The following SPECC1L variants were observed in gnomAD, a reference collection of about 807,000 sequenced individuals.
SPECC1L encodes the protein sperm antigen with calponin homology and coiled-coil domains 1 like.
SPECC1L carries 40 observed loss-of-function variants against 116.8 expected under a neutral mutation model. The ratio of observed to expected loss-of-function variants is 0.34; its 90% CI spans 0.27 to 0.45. The LOEUF (loss-of-function observed/expected upper bound fraction) is 0.45, where lower values mean the gene tolerates loss of function less well. Among genes scored for constraint, SPECC1L ranks in the 20% least tolerant of loss-of-function variants. The probability of loss-of-function intolerance (pLI) is 1.00; values close to 1 mark genes in which losing one functional copy is unlikely to be tolerated. For synonymous variants in SPECC1L, 504 were observed against 500.6 expected (o/e 1.01, Z -0.09); for missense variants, 1,110 against 1,373.6 (o/e 0.81, Z 3.03).
chr22:24,318,276 C>T (rs567351099), intron 4 of SPECC1L, among the ~76,000 whole-genome samples: 9 of 152,360 alleles, frequency 5.9e-5, no homozygotes, highest in Non-Finnish European at 8.8e-5. Context: ...CCCGGCACCT[C>T]GGGAGGCCGA....
chr22:24,384,770 A>G (rs1228455188), intron 14 of SPECC1L, among the ~76,000 whole-genome samples: 1 of 152,170 alleles, frequency 6.6e-6, no homozygotes, highest in Non-Finnish European at 1.5e-5. Flanking sequence ...GACTTTGAAG[A>G]CTTAATATAG....
rs578237345 is a variant in SPECC1L, at chr22:24,388,320, A to C, written c.3087+19000A>C. On this transcript the variant is annotated intron_variant, in intron 14 of 16. Coordinates refer to ENST00000314328, the MANE Select transcript of SPECC1L (RefSeq NM_015330.6). ...ATTGTTCAATTCCCACCTATGAGTG[A>C]GAACATGCAGTGTTTGTTTTTTTTT... Among the ~76,000 whole-genome samples, 579 of 143,984 alleles carry C rather than the reference A, an allele frequency of 4.0e-3. 6 individuals are homozygous for C. Among genetic ancestry groups the C allele is most frequent in the African/African-American group, 0.014 (540 of 38,496 alleles). 94.5% of individuals were successfully genotyped at this position (143,984 alleles called of 152,430 possible).
intron 12 of SPECC1L, among the ~76,000 whole-genome samples, chr22:24,363,943 G>A (rs1011009396): frequency 6.6e-6 from 1 of 150,898 alleles, no homozygotes; most frequent in African/African-American, 2.4e-5. Flanking sequence ...GGGTGGGAGT[G>A]GGGGCAGCAG....
At chr22:24,357,163 A>C (rs1005422366) in intron 11 of SPECC1L, among the ~76,000 whole-genome samples, 3 of 152,164 alleles carry the variant, frequency 2.0e-5, no homozygotes, top group African/African-American at 7.2e-5. Context: ...ATCAAGTAGG[A>C]AATCCTAGCC....
chr22:24,321,474 G>T lies in SPECC1L; in HGVS notation c.494G>T (p.Arg165Leu). 1 of 1,614,250 alleles carries T rather than the reference G, an allele frequency of 6.2e-7. No homozygotes were observed. The highest frequency in any genetic ancestry group is 8.5e-7 in the Non-Finnish European group (1 of 1,180,048). The change falls in exon 5 of 17, where the codon CGT (arginine) becomes CTT (leucine). Residue 165 changes from arginine to leucine, a missense_variant. This residue lies in a region of SPECC1L where 437 missense variants were observed against 482.6 expected (regional missense o/e 0.91). Transcript: ENST00000314328. Reference protein sequence around the residue: ...RSRTATECDVRMSKSKSDNQI... With the variant: ...RSRTATECDVLMSKSKSDNQI... Reference sequence around the variant, plus strand: ...CGAACTGCTACAGAATGTGACGTTCGTATGAGCAAGTCTAAGTCAGACAAT... The same window carrying T: ...CGAACTGCTACAGAATGTGACGTTCTTATGAGCAAGTCTAAGTCAGACAAT...
intron 1 of SPECC1L, among the ~76,000 whole-genome samples, chr22:24,275,783 ACCGTAG>A (rs1472621558): frequency 6.6e-6 from 1 of 152,174 alleles, no homozygotes; most frequent in Admixed American, 6.5e-5. Flanking sequence ...ATCACAGCTC[ACCGTAG>A]CCTTGAACTC....
chr22:24,407,798 A>C (rs557854296), intron 14 of SPECC1L, among the ~76,000 whole-genome samples: 1 of 152,276 alleles, frequency 6.6e-6, no homozygotes, highest in East Asian at 1.9e-4. Flanking sequence ...TGGGCCCTGC[A>C]AATTACGGAG....
intron 4 of SPECC1L, among the ~76,000 whole-genome samples, chr22:24,319,383 G>A (rs183162742): frequency 5.9e-5 from 9 of 152,200 alleles, no homozygotes; most frequent in Non-Finnish European, 1.2e-4. Flanking sequence ...TCACTATCAC[G>A]AGAACAGCGT....
At chr22:24,366,279 GC>G (rs1181944332) in intron 13 of SPECC1L, among the ~76,000 whole-genome samples, 4 of 151,818 alleles carry the variant, frequency 2.6e-5, no homozygotes, top group African/African-American at 9.7e-5. Context: ...TGCAGGCTCC[GC>G]CCCCTGGGGT....
In SPECC1L at chr22:24,363,320, A is replaced by T; in HGVS notation, c.2803A>T (p.Met935Leu). 1.2e-6 allele frequency: 2 copies of T among 1,614,086 alleles called. No individual in the cohort carries two copies. The highest frequency in any genetic ancestry group is 1.7e-6 in the Non-Finnish European group (2 of 1,180,032). ...RPASLPRVPA[M>L]ESAKTLSVSR... is the part of the protein sequence containing the mutation. ...TGCTTCCCTGCCAAGAGTGCCTGCGATGGAAAGTGCCAAGACCCTCTCAGG... is the reference window on the plus strand; with the variant it reads ...TGCTTCCCTGCCAAGAGTGCCTGCGTTGGAAAGTGCCAAGACCCTCTCAGG... Residue 935 changes from methionine to leucine, a missense_variant, in exon 12 of 17, where the codon ATG (methionine) becomes TTG (leucine). Met to Leu is a conservative substitution (Grantham distance 15). Coordinates refer to ENST00000314328, the MANE Select transcript of SPECC1L (RefSeq NM_015330.6).
intron 14 of SPECC1L, among the ~76,000 whole-genome samples, chr22:24,373,926 C>A (rs1427619798): frequency 7.9e-5 from 12 of 151,090 alleles, no homozygotes; most frequent in Non-Finnish European, 4.4e-5. Context: ...AACAAATATA[C>A]AAGAAAAAAA....
intron 11 of SPECC1L, among the ~76,000 whole-genome samples, chr22:24,359,147 C>A (rs1016012225): frequency 3.3e-5 from 5 of 151,906 alleles, no homozygotes; most frequent in Admixed American, 6.5e-5. Flanking sequence ...ACTATACTTT[C>A]TTCCTTACTC....
At chr22:24,374,316 T>G (rs542056589) in intron 14 of SPECC1L, among the ~76,000 whole-genome samples, 3,767 of 152,080 alleles carry the variant, frequency 0.025, 71 homozygotes, top group African/African-American at 0.051. Context: ...TAAAGACACA[T>G]GCACACGTAT....
chr22:24,351,988 CA>C (rs796082803), intron 11 of SPECC1L, among the ~76,000 whole-genome samples: 37 of 139,352 alleles, frequency 2.7e-4, no homozygotes, highest in Admixed American at 2.9e-4. Flanking sequence ...GACTCTGTCT[CA>C]AAAAAAAAAA....
intron 14 of SPECC1L, among the ~76,000 whole-genome samples, chr22:24,408,237 C>T (rs1569450762): frequency 6.6e-6 from 1 of 152,222 alleles, no homozygotes; most frequent in Non-Finnish European, 1.5e-5. Context: ...CATGCGTGTG[C>T]GTGTGTTCAG....
At chr22:24,376,734 G>A (rs912342256) in intron 14 of SPECC1L, among the ~76,000 whole-genome samples, 7 of 151,998 alleles carry the variant, frequency 4.6e-5, no homozygotes, top group South Asian at 2.1e-4. Context: ...TTTGTTGAAC[G>A]GCAGGAACGT....
At position 24,330,350 on chromosome 22, in the gene SPECC1L, G is replaced by C. The variant is rs900483886; in HGVS notation, c.2315G>C (p.Gly772Ala). The stretch of plus-strand genomic sequence containing the variant: ...AAATCTGAAGCCCAAGAGGAGATTG[G>C]TGATCTAAAGCGCCGGTTACATGAG... ...DIKSEAQEEIGDLKRRLHEAQ... is the reference protein window; with the variant it reads ...DIKSEAQEEIADLKRRLHEAQ... The change falls in exon 8 of 17, where the codon GGT becomes GCT. Residue 772 changes from glycine to alanine, a missense_variant. Gly to Ala is a moderately conservative substitution (Grantham distance 60, BLOSUM62 0). This residue lies in a region of SPECC1L where 575 missense variants were observed against 682.4 expected (regional missense o/e 0.84). Transcript: ENST00000314328. 1 of 1,614,138 alleles carries C rather than the reference G, an allele frequency of 6.2e-7. No individual in the cohort carries two copies. Among genetic ancestry groups the C allele is most frequent in the Non-Finnish European group, 8.5e-7 (1 of 1,180,016 alleles).
Position 24,328,848 on chromosome 22 carries a change from A to G in SPECC1L, c.2149A>G (p.Thr717Ala), listed in dbSNP as rs6004132. The part of the protein sequence containing the change: ...DNLIISDLEN[T>A]VKKLQDQKHD... ...TTAAACTTTGGTGATCTTTTCAGAT[A>G]CAGTTAAAAAACTCCAGGACCAAAA... The change falls in exon 7 of 17, where the codon ACA (threonine) becomes GCA (alanine). Residue 717 changes from threonine (T) to alanine (A), a missense_variant and splice_region_variant. Physicochemically the swap from Thr to Ala is moderately conservative, Grantham distance 58. Around this residue, in one of 4 missense-constraint regions of SPECC1L, gnomAD observed 575 missense variants for 682.4 expected, o/e 0.84. Transcript: ENST00000314328. The G allele has an allele frequency of 2.6e-4, 415 of 1,611,588 alleles. No homozygotes were observed. The African/African-American group carries it at 3.7e-3, about 14-fold the overall frequency.
At chr22:24,328,762 CAT>C in intron 6 of SPECC1L, 82 bp from the exon 7 acceptor site, 1 of 1,071,644 alleles carries the variant, frequency 9.3e-7, no homozygotes, top group Non-Finnish European at 1.4e-6. Flanking sequence ...TTTCGAATGT[CAT>C]ATTTAAGTAT....
Sources: gnomAD v4.1 joint callset for allele counts (sites outside exome capture counted in the v4.1 genomes callset) on GRCh38, gnomAD v4.1.1 for gene constraint, gnomAD v4.1.1 regional missense constraint, MANE v1.5 for transcripts, NCBI Gene and HGNC (gene_info 2026-07-23, HGNC 2026-07-21) for gene names.